Variants in HHAT observed in about 807,000 individuals in gnomAD.
HHAT encodes protein-cysteine N-palmitoyltransferase HHAT.
In HHAT, 47 loss-of-function variants were observed where a neutral mutation model predicts 70.8. The ratio of observed to expected loss-of-function variants is 0.66; its 90% CI spans 0.53 to 0.85. The LOEUF is 0.85. Among genes scored for constraint, HHAT ranks in the 40% least tolerant of loss-of-function variants. The pLI, the probability that HHAT is intolerant of heterozygous loss-of-function variation, is 0.00. For missense variants in HHAT, 609 were observed against 604.8 expected, an observed-to-expected ratio of 1.01 and a Z score of -0.07; for synonymous variants, 228 against 247.6, an observed-to-expected ratio of 0.92 and a Z score of 0.74.
At chr1:210,423,851 A>C (rs1254117417) in intron 7 of HHAT, among the ~76,000 whole-genome samples, 4 of 152,088 alleles carry the variant, frequency 2.6e-5, no homozygotes, top group African/African-American at 9.7e-5. Context: ...TTGGCTGTAG[A>C]TATGTGGATT....
intron 7 of HHAT, among the ~76,000 whole-genome samples, chr1:210,419,753 A>G (rs1255364648): frequency 1.3e-5 from 2 of 152,202 alleles, no homozygotes; most frequent in Non-Finnish European, 2.9e-5. Context: ...TCCAAACAAA[A>G]CTTTTTATAG....
intron 7 of HHAT, among the ~76,000 whole-genome samples, chr1:210,449,162 G>A (rs556190689): frequency 9.9e-5 from 15 of 152,204 alleles, no homozygotes; most frequent in African/African-American, 3.4e-4. Flanking sequence ...CGGACCTCCC[G>A]GGTCCCTCTG....
intron 10 of HHAT, among the ~76,000 whole-genome samples, chr1:210,607,107 T>C (rs1665610551): frequency 1.3e-5 from 2 of 152,170 alleles, no homozygotes; most frequent in South Asian, 4.1e-4. Context: ...TTCCTGTTTT[T>C]TTCTTCTTCA....
At chr1:210,623,821 C>G (rs1179027657) in intron 11 of HHAT, 151 bp downstream of exon 11, 1 of 867,168 alleles carries the variant, frequency 1.2e-6, no homozygotes, top group East Asian at 2.5e-5. Flanking sequence ...GGAATAATTT[C>G]CTAAGTTTGA....
intron 3 of HHAT, among the ~76,000 whole-genome samples, chr1:210,382,811 G>C (rs1406919618): frequency 1.3e-5 from 2 of 152,134 alleles, no homozygotes; most frequent in African/African-American, 4.8e-5. Context: ...AGATTGCCTA[G>C]TCAAATAGTG....
chr1:210,331,507 T>C lies in HHAT; in HGVS notation c.-44+2403T>C, dbSNP rs566743801. ...CCGGTCATTTGCTATCTCAAACAGTTGGTCCTCTTCTAGCATGGACAAAGT... is the reference window on the plus strand; with the variant it reads ...CCGGTCATTTGCTATCTCAAACAGTCGGTCCTCTTCTAGCATGGACAAAGT... On this transcript the variant is annotated intron_variant, in intron 1 of 11. Transcript: ENST00000261458. Among the ~76,000 whole-genome samples, 3 of 152,362 alleles carry C rather than the reference T, an allele frequency of 2.0e-5. No homozygotes were observed. The East Asian group carries it at 5.8e-4, about 29-fold the overall frequency.
intron 7 of HHAT, among the ~76,000 whole-genome samples, chr1:210,455,582 C>A (rs914944839): frequency 6.6e-6 from 1 of 152,020 alleles, no homozygotes; most frequent in African/African-American, 2.4e-5. Context: ...AGACAGCTGA[C>A]CCGATTCAAG....
intron 3 of HHAT, chr1:210,374,259 A>AC (rs2089970421): frequency 7.9e-6 from 1 of 126,474 alleles, no homozygotes; most frequent in Non-Finnish European, 1.6e-5. Flanking sequence ...TCTGAAGAGA[A>AC]ACCAGTGTAA....
At chr1:210,510,001 T>G (rs964997467) in intron 8 of HHAT, among the ~76,000 whole-genome samples, 8 of 152,224 alleles carry the variant, frequency 5.3e-5, no homozygotes, top group Admixed American at 5.2e-4. Context: ...CCCTAAGATG[T>G]GCTTTGCAAA....
chr1:210,466,188 G>A (rs554773456), intron 8 of HHAT, among the ~76,000 whole-genome samples: 1 of 152,078 alleles, frequency 6.6e-6, no homozygotes, highest in East Asian at 1.9e-4. Flanking sequence ...GAATTGCAAG[G>A]AATTCAAGGA....
chr1:210,513,970 G>A (rs553026870), intron 9 of HHAT, among the ~76,000 whole-genome samples: 1 of 152,334 alleles, frequency 6.6e-6, no homozygotes, highest in South Asian at 2.1e-4. Context: ...ATCTCTAAAT[G>A]CTAGTTAATT....
At chr1:210,377,192 G>A (rs150765165) in intron 3 of HHAT, among the ~76,000 whole-genome samples, 1 of 152,316 alleles carries the variant, frequency 6.6e-6, no homozygotes, top group East Asian at 1.9e-4. Context: ...CTAATGGTAT[G>A]TGTGATTTAT....
intron 8 of HHAT, among the ~76,000 whole-genome samples, chr1:210,486,053 A>T (rs555925833): frequency 1.3e-5 from 2 of 152,190 alleles, no homozygotes; most frequent in African/African-American, 2.4e-5. Context: ...GGCAGGAATT[A>T]TACGTGCTTG....
chr1:210,650,722 C>T (rs879769350), intron 11 of HHAT, among the ~76,000 whole-genome samples: 1 of 152,122 alleles, frequency 6.6e-6, no homozygotes, highest in Non-Finnish European at 1.5e-5. Flanking sequence ...GATATCCCTG[C>T]ATAGCTATTA....
intron 8 of HHAT, among the ~76,000 whole-genome samples, chr1:210,491,032 A>G (rs906527123): frequency 2.7e-5 from 4 of 150,338 alleles, no homozygotes; most frequent in Admixed American, 2.7e-4. Flanking sequence ...CTGTCTGAAG[A>G]CACCATTTTT....
chr1:210,395,365 G>C (rs1226316582), intron 4 of HHAT, among the ~76,000 whole-genome samples: 1 of 152,222 alleles, frequency 6.6e-6, no homozygotes, highest in Non-Finnish European at 1.5e-5. Context: ...GACTCCTTAT[G>C]AAGAAGGTTA....
intron 3 of HHAT, among the ~76,000 whole-genome samples, chr1:210,381,303 CAG>C (rs1387528937): frequency 1.3e-5 from 2 of 151,974 alleles, no homozygotes; most frequent in Non-Finnish European, 1.5e-5. Flanking sequence ...TTTTCTGAGA[CAG>C]AGTCTTGCTC....
At chr1:210,424,508 T>G (rs997227977) in intron 7 of HHAT, among the ~76,000 whole-genome samples, 5 of 41,760 alleles carry the variant, frequency 1.2e-4, no homozygotes, top group Non-Finnish European at 2.0e-4. Flanking sequence ...TGCCATGGGT[T>G]TTTTTTTTTT....
At chr1:210,360,843 TCAC>T (rs1414370185) in intron 2 of HHAT, among the ~76,000 whole-genome samples, 5 of 110,760 alleles carry the variant, frequency 4.5e-5, no homozygotes, top group East Asian at 4.5e-4. Context: ...ATAATTAACT[TCAC>T]TTTTTTTTTT....
Sources: gnomAD v4.1 joint callset for allele counts (sites outside exome capture counted in the v4.1 genomes callset) on GRCh38, gnomAD v4.1.1 for gene constraint, MANE v1.5 for transcripts, NCBI Gene and HGNC (gene_info 2026-07-23, HGNC 2026-07-21) for gene names.